CELF2: variants seen among roughly 807,000 people sequenced by gnomAD.
CELF2 encodes the protein CUGBP Elav-like family member 2, also known as CUG triplet repeat RNA-binding protein 2.
A neutral mutation model predicts 62.6 loss-of-function variants in CELF2; 8 were observed. The observed-to-expected ratio is 0.13, with a 90% CI of 0.07 to 0.23. The LOEUF (loss-of-function observed/expected upper bound fraction) is 0.23, where lower values mean the gene tolerates loss of function less well. CELF2 is among the 10% of genes least tolerant of loss of function. The pLI is 1.00. For synonymous variants in CELF2, 258 were observed against 250.0 expected (o/e 1.03, Z -0.30); for missense variants, 333 against 671.0 (o/e 0.50, Z 5.56).
At chr10:11,127,125 A>C (rs1431459307) in intron 1 of CELF2, among the ~76,000 whole-genome samples, 1 of 152,000 alleles carries the variant, frequency 6.6e-6, no homozygotes, top group African/African-American at 2.4e-5. Flanking sequence ...GTTCCCACCT[A>C]TGAGTGAGAA....
At chr10:10,717,267 T>C in the CELF2 span, among the ~76,000 whole-genome samples, 1 of 152,176 alleles carries the variant, frequency 6.6e-6, no homozygotes, top group African/African-American at 2.4e-5. Flanking sequence ...GGTGTGGTAA[T>C]AAAATAATTT....
intron 1 of CELF2, among the ~76,000 whole-genome samples, chr10:10,820,957 G>A (rs535620060): frequency 1.3e-5 from 2 of 152,294 alleles, no homozygotes; most frequent in East Asian, 1.9e-4. Context: ...TAGATATCCC[G>A]GCCAGAGATG....
chr10:10,554,025 G>A, the CELF2 span, among the ~76,000 whole-genome samples: 19,257 of 152,094 alleles, frequency 0.13, 1,343 homozygotes, highest in South Asian at 0.19. Context: ...CTGGAAAGTG[G>A]CAGGAATAGA....
Position 10,936,171 on chromosome 10 carries a change from A to G in CELF2, c.89+16172A>G, listed in dbSNP as rs768074915. Among the ~76,000 whole-genome samples, 2 of 151,920 alleles carry G rather than the reference A, an allele frequency of 1.3e-5. No individual in the cohort carries two copies. Among genetic ancestry groups the G allele is most frequent in the Non-Finnish European group, 2.9e-5 (2 of 67,908 alleles). ...AGTGAGACTCCATCTCACAAAAAAA[A>G]TAAATAAAATAATAAAGAGAGAGAA... On this transcript the variant is annotated intron_variant, in intron 2 of 13. Coordinates refer to the CELF2 transcript ENST00000636488. This position sits in a 1 kb window ranked among gnomAD's most constrained non-coding sequence, Gnocchi z 4.0.
the CELF2 span, among the ~76,000 whole-genome samples, chr10:10,481,591 C>T: frequency 1.3e-5 from 2 of 152,176 alleles, no homozygotes; most frequent in African/African-American, 4.8e-5. Context: ...CTCCCTGATA[C>T]TCTGAAAGAA....
At position 11,217,988 on chromosome 10, in the gene CELF2, G is replaced by C. The variant is rs57755030; in HGVS notation, c.354+481G>C. On this transcript the variant is annotated intron_variant, in intron 3 of 12. Coordinates refer to ENST00000633077, the MANE Select transcript of CELF2 (RefSeq NM_001326342.2). The surrounding 1 kb of genome is among the most constrained non-coding windows in gnomAD (Gnocchi z 5.6). ...CAGTCAATGGTGGTTAACAAAGTCA[G>C]TGTTTTAATACCCAATTTGTGGCTT... 0.05 allele frequency among the ~76,000 whole-genome samples: 7,604 copies of C among 152,232 alleles called. 416 individuals carry two copies. The highest frequency in any genetic ancestry group is 0.24 in the East Asian group (1,232 of 5,174).
At chr10:10,835,476 G>T (rs778441638) in intron 1 of CELF2, among the ~76,000 whole-genome samples, 1 of 151,712 alleles carries the variant, frequency 6.6e-6, no homozygotes, top group Non-Finnish European at 1.5e-5. Flanking sequence ...TCTGCCTCCC[G>T]GGTTCTAGCG....
chr10:11,006,335 G>C (rs2137160553), intron 1 of CELF2, among the ~76,000 whole-genome samples: 1 of 152,230 alleles, frequency 6.6e-6, no homozygotes, highest in Middle Eastern at 3.4e-3. Context: ...CTGCTTGTTT[G>C]TGGTTTAGTG....
In CELF2 at chr10:11,326,055, A is replaced by G. The variant is rs143368473; in HGVS notation, c.1438+76A>G. On this transcript the variant is annotated intron_variant, in intron 12 of 12. Transcript: ENST00000633077. ...AGTCGTGGGAAGGAAAATGTGAGAC[A>G]GTTTCAGCCAGGATAGGGCCTTCCC... The G allele has an allele frequency of 3.5e-6, 5 of 1,437,160 alleles. No homozygotes were observed. In the South Asian group the frequency reaches 5.4e-5, roughly 15 times the overall value. 89.0% of individuals were successfully genotyped at this position (1,437,160 alleles called of 1,614,324 possible). A position where few individuals can be genotyped will look rare whatever the true frequency, so the allele number is the denominator to read the frequency against.
intron 1 of CELF2, among the ~76,000 whole-genome samples, chr10:11,028,480 C>T (rs1255157645): frequency 4.7e-5 from 7 of 149,254 alleles, no homozygotes; most frequent in South Asian, 2.1e-4. Flanking sequence ...AGTGCAGTGG[C>T]GCGATCCCGG....
intron 2 of CELF2, among the ~76,000 whole-genome samples, chr10:11,173,282 T>G (rs567930196): frequency 2.8e-4 from 43 of 152,188 alleles, no homozygotes; most frequent in Non-Finnish European, 5.3e-4. Context: ...GGTGACGCTG[T>G]TAGTTACTCT....
chr10:10,493,078 A>T, the CELF2 span, among the ~76,000 whole-genome samples: 1 of 152,256 alleles, frequency 6.6e-6, no homozygotes, highest in South Asian at 2.1e-4. Context: ...CAGCATGAGA[A>T]CAAACTGATA....
At chr10:10,626,660 A>G in the CELF2 span, among the ~76,000 whole-genome samples, 1 of 152,182 alleles carries the variant, frequency 6.6e-6, no homozygotes, top group South Asian at 2.1e-4. Flanking sequence ...TTGAGTTGAA[A>G]CAGAATTATT....
At chr10:10,801,718 T>C (rs2054679813) in intron 1 of CELF2, among the ~76,000 whole-genome samples, 1 of 152,244 alleles carries the variant, frequency 6.6e-6, no homozygotes, top group Non-Finnish European at 1.5e-5. Context: ...CCACGTAACC[T>C]GGAAGATCCT....
At chr10:11,240,033 C>T (rs766726672) in intron 3 of CELF2, among the ~76,000 whole-genome samples, 28 of 152,104 alleles carry the variant, frequency 1.8e-4, no homozygotes, top group Non-Finnish European at 2.6e-4. Context: ...GCCTGGGCAA[C>T]AAGAGCAAAA....
intron 1 of CELF2, among the ~76,000 whole-genome samples, chr10:10,879,337 C>G (rs957186153): frequency 6.6e-6 from 1 of 152,226 alleles, no homozygotes; most frequent in South Asian, 2.1e-4. Context: ...GTGCCACGCA[C>G]TGGCTAGTAT....
intron 1 of CELF2, among the ~76,000 whole-genome samples, chr10:10,836,593 C>A (rs1031810877): frequency 2.0e-5 from 3 of 152,186 alleles, no homozygotes; most frequent in African/African-American, 7.2e-5. Flanking sequence ...TACTGAGAAA[C>A]TATAGAAGAC....
chr10:10,496,756 C>T, the CELF2 span, among the ~76,000 whole-genome samples: 1 of 152,038 alleles, frequency 6.6e-6, no homozygotes, highest in Non-Finnish European at 1.5e-5. Flanking sequence ...CCCTACAGGA[C>T]CTGGGGTGCT....
chr10:10,781,326 G>C, the CELF2 span, among the ~76,000 whole-genome samples: 1 of 152,172 alleles, frequency 6.6e-6, no homozygotes, highest in African/African-American at 2.4e-5. Flanking sequence ...TGCTATACAG[G>C]TTGGTAGCTG....
Sources: gnomAD v4.1 joint callset for allele counts (sites outside exome capture counted in the v4.1 genomes callset) on GRCh38, gnomAD v4.1.1 for gene constraint, Gnocchi (gnomAD v3.1) non-coding constraint, MANE v1.5 for transcripts, NCBI Gene and HGNC (gene_info 2026-07-23, HGNC 2026-07-21) for gene names.